Variants in CDYL observed in about 807,000 individuals in gnomAD.
The protein encoded by CDYL is chromodomain Y-like protein.
A neutral mutation model predicts 47.3 loss-of-function variants in CDYL; 8 were observed. That is an observed-to-expected ratio of 0.17 (90% CI 0.10 to 0.31). The LOEUF (loss-of-function observed/expected upper bound fraction) is 0.31, where lower values mean the gene tolerates loss of function less well. Ranked by LOEUF, CDYL falls within the 10% of genes least tolerant of loss-of-function variation. The pLI, the probability that CDYL is intolerant of heterozygous loss-of-function variation, is 1.00. For missense variants in CDYL, 471 were observed against 701.4 expected (o/e 0.67, Z 3.71); for synonymous variants, 266 against 265.0 (o/e 1.00, Z -0.04).
intron 4 of CDYL, 106 bp downstream of exon 4, chr6:4,937,843 T>A (rs1561719265): frequency 3.7e-6 from 3 of 814,402 alleles, no homozygotes; most frequent in Non-Finnish European, 5.8e-6. Flanking sequence ...GATACACATC[T>A]TCTCCCATGG....
At chr6:4,751,335 C>G (rs1757986691) in intron 3 of CDYL, among the ~76,000 whole-genome samples, 1 of 152,170 alleles carries the variant, frequency 6.6e-6, no homozygotes, top group South Asian at 2.1e-4. Context: ...TCACCCAGAC[C>G]TATGGAGTCA....
Position 4,858,070 on chromosome 6 carries a change from T to C in CDYL, c.25-33643T>C, listed in dbSNP as rs114950249. Among the ~76,000 whole-genome samples the C allele has an allele frequency of 2.7e-3, 405 of 147,734 alleles. 6 individuals are homozygous for C. Among genetic ancestry groups the C allele is most frequent in the African/African-American group, 9.6e-3 (390 of 40,608 alleles). Reference sequence around the variant, plus strand: ...TTCAAGGCTCTGCCTCCTTCACTTATTTTCCTTGCCCTTCAAAATTGTGCT... The same window carrying C: ...TTCAAGGCTCTGCCTCCTTCACTTACTTTCCTTGCCCTTCAAAATTGTGCT... On this transcript the variant is annotated intron_variant, in intron 1 of 6. Transcript: ENST00000397588.
chr6:4,862,393 C>G (rs1298524643), intron 1 of CDYL, among the ~76,000 whole-genome samples: 4 of 152,222 alleles, frequency 2.6e-5, no homozygotes, highest in Non-Finnish European at 5.9e-5. Context: ...ACGTGGCCAT[C>G]AGCTCTGCCT....
At chr6:4,897,918 G>A (rs968054185) in intron 2 of CDYL, among the ~76,000 whole-genome samples, 12 of 151,874 alleles carry the variant, frequency 7.9e-5, no homozygotes, top group African/African-American at 1.9e-4. Flanking sequence ...TTAGCCAGGC[G>A]TGGTGGCAGG....
intron 2 of CDYL, among the ~76,000 whole-genome samples, chr6:4,720,266 G>C (rs983685278): frequency 1.3e-5 from 2 of 152,324 alleles, no homozygotes; most frequent in South Asian, 4.1e-4. Flanking sequence ...CAAAGCAAAA[G>C]GGGAATGTGG....
At chr6:4,923,702 T>A (rs555077231) in intron 2 of CDYL, among the ~76,000 whole-genome samples, 2 of 152,154 alleles carry the variant, frequency 1.3e-5, no homozygotes, top group South Asian at 4.1e-4. Flanking sequence ...AAAGAGTTCC[T>A]CTTCTAACCC....
At chr6:4,912,405 G>A (rs775003915) in intron 2 of CDYL, among the ~76,000 whole-genome samples, 1 of 152,252 alleles carries the variant, frequency 6.6e-6, no homozygotes, top group Non-Finnish European at 1.5e-5. Context: ...CCCTGCAGTG[G>A]CTCCTTGGGA....
chr6:4,775,045 T>C (rs971604318), upstream of CDYL, among the ~76,000 whole-genome samples: 1 of 152,100 alleles, frequency 6.6e-6, no homozygotes, highest in Admixed American at 6.5e-5. This position sits in a 1 kb window ranked among gnomAD's most constrained non-coding sequence, Gnocchi z 7.0. Flanking sequence ...GTTGAAACGC[T>C]GTTGGGGGGC....
chr6:4,884,712 GC>G (rs1761856042), intron 1 of CDYL, among the ~76,000 whole-genome samples: 1 of 152,202 alleles, frequency 6.6e-6, no homozygotes, highest in African/African-American at 2.4e-5. Flanking sequence ...GGGCAGGCAT[GC>G]CCATTATAAG....
At chr6:4,817,226 A>T (rs952527004) in intron 1 of CDYL, among the ~76,000 whole-genome samples, 2 of 152,066 alleles carry the variant, frequency 1.3e-5, no homozygotes, top group Admixed American at 6.5e-5. Flanking sequence ...GAGCCAGCTA[A>T]CTTCAGCCGG....
chr6:4,894,716 C>G (rs2127486759), intron 2 of CDYL, among the ~76,000 whole-genome samples: 1 of 152,222 alleles, frequency 6.6e-6, no homozygotes, highest in Admixed American at 6.5e-5. Context: ...TCCCAAAATG[C>G]TGGATTACAG....
chr6:4,816,601 C>G (rs1759683930), intron 1 of CDYL, among the ~76,000 whole-genome samples: 1 of 151,248 alleles, frequency 6.6e-6, no homozygotes, highest in African/African-American at 2.4e-5. Flanking sequence ...CAGGCTCAGG[C>G]AGTCCTTCCA....
chr6:4,879,552 G>GTTTTTTTTTT (rs59685693), intron 1 of CDYL, among the ~76,000 whole-genome samples: 2 of 106,158 alleles, frequency 1.9e-5, no homozygotes, highest in Non-Finnish European at 3.6e-5. Flanking sequence ...TTTTTGTGGG[G>GTTTTTTTTTT]TTTTTTTTTT....
chr6:4,897,867 C>A (rs60664687), intron 2 of CDYL, among the ~76,000 whole-genome samples: 1 of 149,576 alleles, frequency 6.7e-6, no homozygotes, highest in African/African-American at 2.5e-5. Context: ...ACCATCCTGG[C>A]TAACAGTGAA....
At chr6:4,721,700 C>T (rs560527504) in intron 2 of CDYL, among the ~76,000 whole-genome samples, 51 of 151,958 alleles carry the variant, frequency 3.4e-4, no homozygotes, top group African/African-American at 1.2e-3. Context: ...CTAAGAAACA[C>T]TTACACGTCA....
chr6:4,943,768 T>TA lies in CDYL; in HGVS notation c.1332+12_1332+13insA, dbSNP rs1758430476. 7.6e-7 allele frequency: 1 copy of TA among 1,315,928 alleles called. No homozygotes were observed. Among genetic ancestry groups the TA allele is most frequent in the East Asian group, 2.5e-5 (1 of 40,340 alleles). The allele number at this position is 1,315,928 out of a possible 1,614,324, so 81.5% of individuals were successfully genotyped here. On this transcript the variant is annotated intron_variant, in intron 5 of 6. Coordinates refer to ENST00000397588, the MANE Select transcript of CDYL (RefSeq NM_004824.4). Reference sequence around the variant, plus strand: ...TGGGAGGAGCATCTGTGAGTACCTTTTTAAAAAAAAAAAAAAAAAGTCATT... The same window carrying TA: ...TGGGAGGAGCATCTGTGAGTACCTTTATTAAAAAAAAAAAAAAAAAGTCATT...
chr6:4,946,747 G>A (rs901215975), intron 5 of CDYL, among the ~76,000 whole-genome samples: 2 of 152,072 alleles, frequency 1.3e-5, no homozygotes, highest in African/African-American at 2.4e-5. Flanking sequence ...GTGGTCGGGC[G>A]CTTTGCCTCT....
At chr6:4,776,314 G>C (rs1450917129), upstream of CDYL, 1 of 142,628 alleles carries the variant, frequency 7.0e-6, no homozygotes, top group South Asian at 2.1e-4. Context: ...CCTCCCGCGC[G>C]GGCGGCCCGA....
At chr6:4,846,865 G>A (rs1760675550) in intron 1 of CDYL, among the ~76,000 whole-genome samples, 1 of 152,196 alleles carries the variant, frequency 6.6e-6, no homozygotes, top group African/African-American at 2.4e-5. Flanking sequence ...ACATATGGTT[G>A]TCCTATTTAA....
Sources: allele counts gnomAD v4.1 joint callset (sites outside exome capture counted in the v4.1 genomes callset), GRCh38; gene constraint gnomAD v4.1.1; non-coding constraint Gnocchi (gnomAD v3.1); transcripts MANE v1.5; gene names NCBI Gene and HGNC (gene_info 2026-07-23, HGNC 2026-07-21).